SFTPA1: variants seen among roughly 807,000 people sequenced by gnomAD.
SFTPA1 encodes surfactant protein A1, also known as pulmonary surfactant-associated protein A1.
In SFTPA1, 13 loss-of-function variants were observed where a neutral mutation model predicts 19.1. The observed-to-expected ratio is 0.68, with a 90% CI of 0.44 to 1.08. SFTPA1 has a LOEUF of 1.08. Ranked by LOEUF, SFTPA1 falls within the 50% of genes least tolerant of loss-of-function variation. The pLI is 0.00. For missense variants in SFTPA1, 259 were observed against 316.4 expected (o/e 0.82, Z 1.38); for synonymous variants, 101 against 117.0 (o/e 0.86, Z 0.88).
In SFTPA1 at chr10:79,614,357, T is replaced by A; in HGVS notation, c.*244T>A. On this transcript the variant is annotated 3_prime_UTR_variant, in exon 6 of 6. Transcript: ENST00000398636. The stretch of plus-strand genomic sequence containing the variant: ...AGCACTGCACCCCAGGCAGCCACTC[T>A]TAGCCTTGGCCTTCGACATGAGATG... 1 of 639,142 alleles carries A rather than the reference T, an allele frequency of 1.6e-6. No individual in the cohort carries two copies. Among genetic ancestry groups the A allele is most frequent in the South Asian group, 2.0e-5 (1 of 50,130 alleles). 39.6% of individuals were successfully genotyped at this position (639,142 alleles called of 1,614,324 possible). A position where few individuals can be genotyped will look rare whatever the true frequency, so the allele number is the denominator to read the frequency against.
In SFTPA1 at chr10:79,614,582, C is replaced by A. The variant is rs182165856; in HGVS notation, c.*469C>A. The A allele has an allele frequency of 3.8e-4, 85 of 223,504 alleles. No individual in the cohort carries two copies. Among genetic ancestry groups the A allele is most frequent in the Non-Finnish European group, 5.9e-4 (64 of 108,156 alleles). The allele number at this position is 223,504 out of a possible 1,614,324, so 13.8% of individuals were successfully genotyped here. A position where few individuals can be genotyped will look rare whatever the true frequency, so the allele number is the denominator to read the frequency against. On this transcript the variant is annotated 3_prime_UTR_variant, in exon 6 of 6. Transcript: ENST00000398636. ...CAGAGAGAGGCAGACTTCGGGGAAG[C>A]CCTGACTGTGCAGAGCTAAGGACAC...
At chr10:79,611,637 G>A (rs1859850655) in intron 2 of SFTPA1, 166 bp from the exon 3 acceptor site, 4 of 1,553,586 alleles carry the variant, frequency 2.6e-6, no homozygotes, top group Non-Finnish European at 3.5e-6. Context: ...CATGCCAGGT[G>A]CCAGGTGATG....
chr10:79,614,279 A>T lies in SFTPA1; in HGVS notation c.*166A>T. 2 of 1,090,190 alleles carry T rather than the reference A, an allele frequency of 1.8e-6. No homozygotes were observed. The highest frequency in any genetic ancestry group is 5.0e-4 in the Middle Eastern group (2 of 4,038). The allele number at this position is 1,090,190 out of a possible 1,614,324, so 67.5% of individuals were successfully genotyped here. ...CACTTCATTCCTCTGATGGGCCCTG[A>T]CTCTTCCCCATAATCACTGACCAGC... On this transcript the variant is annotated 3_prime_UTR_variant, in exon 6 of 6. Coordinates refer to ENST00000398636, the MANE Select transcript of SFTPA1 (RefSeq NM_005411.5).
At chr10:79,613,354 C>G (rs1859981000) in intron 5 of SFTPA1, 88 bp downstream of exon 5, 1 of 1,582,646 alleles carries the variant, frequency 6.3e-7, no homozygotes, top group Non-Finnish European at 8.7e-7. Context: ...ATAGAGATTA[C>G]AAATAGGCAT....
At position 79,614,211 on chromosome 10, in the gene SFTPA1, ACAGAATTCACTT is replaced by A; in HGVS notation, c.*99_*110del. The A allele has an allele frequency of 6.3e-7, 1 of 1,599,050 alleles. No homozygotes were observed. The highest frequency in any genetic ancestry group is 8.5e-7 in the Non-Finnish European group (1 of 1,169,670). On this transcript the variant is annotated 3_prime_UTR_variant, in exon 6 of 6. Coordinates refer to ENST00000398636, the MANE Select transcript of SFTPA1 (RefSeq NM_005411.5). ...TGTGAGATGCTAGAACTCCCTTTCA[ACAGAATTCACTT>A]GTGGCTATTGGGACTGGAGGCACCC...
rs1490259809 is a variant in SFTPA1, at chr10:79,613,829, T to C, written c.463T>C (p.Cys155Arg). ...SITFDAIQEACARAGGRIAVP... is the reference protein window; with the variant it reads ...SITFDAIQEARARAGGRIAVP... Reference sequence around the variant, plus strand: ...CACTTTTGATGCCATTCAGGAGGCATGTGCCAGAGCAGGCGGCCGCATTGC... The same window carrying C: ...CACTTTTGATGCCATTCAGGAGGCACGTGCCAGAGCAGGCGGCCGCATTGC... The change falls in exon 6 of 6, where the codon TGT (cysteine) becomes CGT (arginine). Residue 155 changes from cysteine (C) to arginine (R), a missense_variant. Cys to Arg is a radical substitution (Grantham distance 180). Transcript: ENST00000398636. 5 of 1,613,928 alleles carry C rather than the reference T, an allele frequency of 3.1e-6. No individual in the cohort carries two copies. Among genetic ancestry groups the C allele is most frequent in the East Asian group, 2.2e-5 (1 of 44,872 alleles).
At chr10:79,613,325 C>T (rs139930635) in intron 5 of SFTPA1, 59 bp downstream of exon 5, 20,435 of 1,607,868 alleles carry the variant, frequency 0.013, 193 homozygotes, top group Non-Finnish European at 0.015. Context: ...CCCTCATTCT[C>T]AGCACCAGCT....
At position 79,612,364 on chromosome 10, in the gene SFTPA1, G is replaced by A. The variant is rs1427642322; in HGVS notation, c.225G>A (p.Leu75=). The A allele has an allele frequency of 1.2e-6, 2 of 1,613,724 alleles. No individual in the cohort carries two copies. The highest frequency in any genetic ancestry group is 1.7e-6 in the Non-Finnish European group (2 of 1,179,864). Residue 75 remains leucine, a synonymous_variant, in exon 4 of 6, where the codon CTG becomes CTA. Transcript: ENST00000398636. ...EMPCPPGNDG[L]PGAPGIPGEC... ...CATGTCCTCCTGGAAATGATGGGCT[G>A]CCTGGAGCCCCTGGTATCCCTGGAG... is the stretch of plus-strand genomic sequence containing the variant.
chr10:79,612,931 A>G lies in SFTPA1; in HGVS notation c.293-258A>G, dbSNP rs4253519. ...TGCCCCACAGAGGCGGGCAGACAGA[A>G]CCCCTCGAGGGACAGAGCAGGAAAG... On this transcript the variant is annotated intron_variant, in intron 4 of 5. Transcript: ENST00000398636. Among the ~76,000 whole-genome samples, 107,075 of 150,262 alleles carry G rather than the reference A, an allele frequency of 0.71. 38,237 individuals carry two copies. Among genetic ancestry groups the G allele is most frequent in the East Asian group, 0.77 (3,922 of 5,082 alleles).
At position 79,614,174 on chromosome 10, in the gene SFTPA1, C is replaced by G; in HGVS notation, c.*61C>G. 6.2e-7 allele frequency: 1 copy of G among 1,613,830 alleles called. No homozygotes were observed. Among genetic ancestry groups the G allele is most frequent in the Non-Finnish European group, 8.5e-7 (1 of 1,179,790 alleles). On this transcript the variant is annotated 3_prime_UTR_variant, in exon 6 of 6. Transcript: ENST00000398636. ...CTGGCCTTCGGCCTCCATCCTGAGG[C>G]TCCACTTGGTCTGTGAGATGCTAGA... is the stretch of plus-strand genomic sequence containing the variant.
At position 79,612,392 on chromosome 10, in the gene SFTPA1, T is replaced by C. The variant is rs1059054; in HGVS notation, c.253T>C (p.Cys85Arg). 22 of 1,611,984 alleles carry C rather than the reference T, an allele frequency of 1.4e-5. No individual in the cohort carries two copies. In the Middle Eastern group the frequency reaches 4.9e-4, roughly 36 times the overall value. ...LPGAPGIPGE[C>R]GEKGEPGERG... The stretch of plus-strand genomic sequence containing the variant: ...TGGAGCCCCTGGTATCCCTGGAGAG[T>C]GTGGAGAGAAGGGGGAGCCTGGCGA... The change falls in exon 4 of 6, where the codon TGT (cysteine) becomes CGT (arginine). Residue 85 changes from cysteine (C) to arginine (R), a missense_variant. Transcript: ENST00000398636.
chr10:79,613,377 C>A (rs972071553), intron 5 of SFTPA1, 111 bp downstream of exon 5: 9 of 1,515,210 alleles, frequency 5.9e-6, no homozygotes, highest in Non-Finnish European at 8.2e-6. Flanking sequence ...ACATGCAGGT[C>A]TTGGGGAAAG....
Position 79,614,907 on chromosome 10 carries a change from C to A in SFTPA1, c.*794C>A. The A allele has an allele frequency of 9.2e-7, 1 of 1,090,542 alleles. No homozygotes were observed. Among genetic ancestry groups the A allele is most frequent in the Non-Finnish European group, 1.2e-6 (1 of 810,076 alleles). The allele number at this position is 1,090,542 out of a possible 1,614,324, so 67.6% of individuals were successfully genotyped here. A position where few individuals can be genotyped will look rare whatever the true frequency, so the allele number is the denominator to read the frequency against. ...GTGGGCATTCACACCACCCCCCACA[C>A]CACTGGCTCTGCTTTCTCCTTTCAT... On this transcript the variant is annotated 3_prime_UTR_variant, in exon 6 of 6. Coordinates refer to ENST00000398636, the MANE Select transcript of SFTPA1 (RefSeq NM_005411.5).
At chr10:79,613,020 G>A (rs1393987963) in intron 4 of SFTPA1, among the ~76,000 whole-genome samples, 169 bp from the exon 5 acceptor site, 1 of 151,956 alleles carries the variant, frequency 6.6e-6, no homozygotes, top group Non-Finnish European at 1.5e-5. Context: ...ACCACGGGGT[G>A]TGGAGACACA....
rs555258682 is a variant in SFTPA1 at position 79,612,416 on chromosome 10, G to A, written c.277G>A (p.Glu93Lys). ...GECGEKGEPG[E>K]RGPPGLPAHL... ...GTGTGGAGAGAAGGGGGAGCCTGGC[G>A]AGAGGGGCCCTCCAGGTGAGCAGGG... is the stretch of plus-strand genomic sequence containing the variant. The change falls in exon 4 of 6, where the codon GAG becomes AAG. Residue 93 changes from glutamate (E) to lysine (K), a missense_variant. Transcript: ENST00000398636. 1.1e-4 allele frequency: 171 copies of A among 1,613,666 alleles called. No individual in the cohort carries two copies. The highest frequency in any genetic ancestry group is 3.3e-4 in the Middle Eastern group (2 of 6,058).
Position 79,614,869 on chromosome 10 carries a change from A to T in SFTPA1, c.*756A>T. 1.4e-6 allele frequency: 1 copy of T among 690,978 alleles called. No individual in the cohort carries two copies. Among genetic ancestry groups the T allele is most frequent in the Non-Finnish European group, 2.2e-6 (1 of 460,450 alleles). The allele number at this position is 690,978 out of a possible 1,614,324, so 42.8% of individuals were successfully genotyped here. On this transcript the variant is annotated 3_prime_UTR_variant, in exon 6 of 6. Coordinates refer to ENST00000398636, the MANE Select transcript of SFTPA1 (RefSeq NM_005411.5). ...CAACTGATGAACAAATCTGCACCCTACTTCAGATTTCAGTGGGCATTCACA... is the reference window on the plus strand; with the variant it reads ...CAACTGATGAACAAATCTGCACCCTTCTTCAGATTTCAGTGGGCATTCACA...
chr10:79,613,364 T>G, intron 5 of SFTPA1, 98 bp downstream of exon 5: 3 of 1,557,308 alleles, frequency 1.9e-6, no homozygotes, highest in Non-Finnish European at 2.7e-6. Context: ...CAAATAGGCA[T>G]GCACATGCAG....
rs1164340464 is a variant in SFTPA1 at position 79,615,088 on chromosome 10, C to T, written c.*975C>T. ...ATGGGAATAAGATACTTGTTGCTGT[C>T]ACAGTTATTACCATCCCCCCAGCTA... On this transcript the variant is annotated 3_prime_UTR_variant, in exon 6 of 6. Coordinates refer to ENST00000398636, the MANE Select transcript of SFTPA1 (RefSeq NM_005411.5). The T allele has an allele frequency of 1.3e-5, 17 of 1,304,922 alleles. No individual in the cohort carries two copies. The Admixed American group carries it at 3.0e-4, about 23-fold the overall frequency. The allele number at this position is 1,304,922 out of a possible 1,614,324, so 80.8% of individuals were successfully genotyped here. A position where few individuals can be genotyped will look rare whatever the true frequency, so the allele number is the denominator to read the frequency against.
chr10:79,612,345 C>T lies in SFTPA1; in HGVS notation c.206C>T (p.Pro69Leu). 7 of 1,613,862 alleles carry T rather than the reference C, an allele frequency of 4.3e-6. No individual in the cohort carries two copies. Among genetic ancestry groups the T allele is most frequent in the Non-Finnish European group, 5.9e-6 (7 of 1,179,854 alleles). Reference sequence around the variant, plus strand: ...GGTCCACCTGGAGAAATGCCATGTCCTCCTGGAAATGATGGGCTGCCTGGA... The same window carrying T: ...GGTCCACCTGGAGAAATGCCATGTCTTCCTGGAAATGATGGGCTGCCTGGA... Reference protein sequence around the residue: ...PMGPPGEMPCPPGNDGLPGAP... With the variant: ...PMGPPGEMPCLPGNDGLPGAP... The change falls in exon 4 of 6, where the codon CCT becomes CTT. Residue 69 changes from proline (P) to leucine (L), a missense_variant. By Grantham distance (98) the Pro-to-Leu change is moderately conservative (BLOSUM62 -3). Transcript: ENST00000398636.
Sources: gnomAD v4.1 joint callset for allele counts (sites outside exome capture counted in the v4.1 genomes callset) on GRCh38, gnomAD v4.1.1 for gene constraint, MANE v1.5 for transcripts, NCBI Gene and HGNC (gene_info 2026-07-23, HGNC 2026-07-21) for gene names.